Variants in CSMD1 observed in about 807,000 individuals in gnomAD.
The protein encoded by CSMD1 is CUB and sushi domain-containing protein 1.
In CSMD1, 213 loss-of-function variants were observed where a neutral mutation model predicts 417.5. The ratio of observed to expected loss-of-function variants is 0.51; its 90% CI spans 0.46 to 0.57. CSMD1 has a LOEUF of 0.57. Among genes scored for constraint, CSMD1 ranks in the 20% least tolerant of loss-of-function variants. The probability of loss-of-function intolerance (pLI) is 0.00; values close to 1 mark genes in which losing one functional copy is unlikely to be tolerated. For missense variants in CSMD1, 6,923 were observed against 4,529.7 expected (o/e 1.53, Z -15.17); for synonymous variants, 2,862 against 1,736.8 (o/e 1.65, Z -16.11).
At chr8:4,340,299 A>T (rs533723636) in intron 3 of CSMD1, among the ~76,000 whole-genome samples, 1 of 152,028 alleles carries the variant, frequency 6.6e-6, no homozygotes, top group Non-Finnish European at 1.5e-5. Context: ...CTGTGTTTGC[A>T]AGGCATCTCC....
At chr8:3,456,792 T>C (rs1220001772) in intron 12 of CSMD1, among the ~76,000 whole-genome samples, 3 of 152,100 alleles carry the variant, frequency 2.0e-5, no homozygotes, top group South Asian at 2.1e-4. Flanking sequence ...TTGCCCATTA[T>C]AGATGAGGCT....
intron 5 of CSMD1, among the ~76,000 whole-genome samples, chr8:3,933,470 C>T (rs775765748): frequency 6.6e-6 from 1 of 152,146 alleles, no homozygotes; most frequent in Non-Finnish European, 1.5e-5. Context: ...CACTCCCACC[C>T]ACTCAACCCC....
chr8:4,056,832 A>G (rs977813454), intron 3 of CSMD1, among the ~76,000 whole-genome samples: 2 of 152,094 alleles, frequency 1.3e-5, no homozygotes, highest in Non-Finnish European at 2.9e-5. Flanking sequence ...GATGATTTCC[A>G]ATTTCATCCA....
At chr8:4,791,239 T>A (rs1797672102) in intron 1 of CSMD1, among the ~76,000 whole-genome samples, 1 of 152,078 alleles carries the variant, frequency 6.6e-6, no homozygotes, top group Non-Finnish European at 1.5e-5. Flanking sequence ...GGAACGTGCC[T>A]GGGGTTGCAG....
chr8:4,371,867 C>T (rs528061319), intron 3 of CSMD1, among the ~76,000 whole-genome samples: 22 of 152,220 alleles, frequency 1.4e-4, no homozygotes, highest in East Asian at 3.9e-4. Context: ...TAAATATTTA[C>T]GATTGTGGAC....
chr8:3,032,268 C>A (rs1261550451), intron 50 of CSMD1, among the ~76,000 whole-genome samples: 5 of 151,752 alleles, frequency 3.3e-5, no homozygotes, highest in Non-Finnish European at 5.9e-5. Flanking sequence ...ACAAAAAAAA[C>A]TGAGTTTGAA....
intron 10 of CSMD1, among the ~76,000 whole-genome samples, chr8:3,540,048 C>T (rs754711160): frequency 1.4e-4 from 22 of 152,100 alleles, no homozygotes; most frequent in Admixed American, 5.9e-4. Context: ...CTGTGTGCAC[C>T]ACACTGCAAT....
At chr8:4,710,174 G>C (rs1046017835) in intron 1 of CSMD1, among the ~76,000 whole-genome samples, 3 of 151,860 alleles carry the variant, frequency 2.0e-5, no homozygotes, top group African/African-American at 7.3e-5. Flanking sequence ...GCTTTCCTCT[G>C]CCCAGTACCA....
At chr8:4,702,245 C>A (rs894990775) in intron 1 of CSMD1, among the ~76,000 whole-genome samples, 2 of 152,050 alleles carry the variant, frequency 1.3e-5, no homozygotes, top group Non-Finnish European at 2.9e-5. Flanking sequence ...TGCATGTACC[C>A]AATAACTTAA....
chr8:3,769,598 T>C (rs1486965450), intron 5 of CSMD1, among the ~76,000 whole-genome samples: 1 of 152,068 alleles, frequency 6.6e-6, no homozygotes, highest in Non-Finnish European at 1.5e-5. Context: ...GATATAAAAG[T>C]GAAGTATCTA....
At chr8:4,534,834 C>G (rs1288042751) in intron 2 of CSMD1, among the ~76,000 whole-genome samples, 1 of 152,112 alleles carries the variant, frequency 6.6e-6, no homozygotes, top group East Asian at 1.9e-4. Context: ...GTGATCTCAG[C>G]TCGATGCAAG....
chr8:4,007,246 A>G (rs1019236618), intron 4 of CSMD1, among the ~76,000 whole-genome samples: 11 of 152,200 alleles, frequency 7.2e-5, no homozygotes, highest in African/African-American at 2.2e-4. Context: ...ATCACCACTC[A>G]TAATAAAACC....
At chr8:4,891,413 T>G (rs1804114653) in intron 1 of CSMD1, among the ~76,000 whole-genome samples, 1 of 152,168 alleles carries the variant, frequency 6.6e-6, no homozygotes, top group South Asian at 2.1e-4. Context: ...CATTGAGCTT[T>G]CATTCCTCTG....
intron 23 of CSMD1, among the ~76,000 whole-genome samples, chr8:3,317,856 G>A (rs1012281173): frequency 6.6e-5 from 10 of 152,324 alleles, no homozygotes; most frequent in African/African-American, 2.2e-4. Flanking sequence ...TGTGACCCAG[G>A]CTGGAGTGCA....
intron 3 of CSMD1, among the ~76,000 whole-genome samples, chr8:4,332,375 C>T (rs181402938): frequency 2.0e-5 from 3 of 152,188 alleles, no homozygotes; most frequent in South Asian, 4.1e-4. Context: ...CTCAAATTAA[C>T]GATTCCTACC....
intron 3 of CSMD1, among the ~76,000 whole-genome samples, chr8:4,246,349 G>C (rs936046528): frequency 2.0e-5 from 3 of 152,264 alleles, no homozygotes; most frequent in East Asian, 1.9e-4. Flanking sequence ...CAAAGGACAC[G>C]GTCAGTCCTT....
intron 3 of CSMD1, among the ~76,000 whole-genome samples, chr8:4,284,873 TA>T (rs1351816358): frequency 6.6e-6 from 1 of 152,144 alleles, no homozygotes; most frequent in Non-Finnish European, 1.5e-5. Context: ...AAAACTAGTT[TA>T]AAAAACACTT....
chr8:4,191,383 A>C (rs980917971), intron 3 of CSMD1, among the ~76,000 whole-genome samples: 4 of 152,106 alleles, frequency 2.6e-5, no homozygotes, highest in African/African-American at 9.7e-5. Context: ...GCAACAGAGC[A>C]AGACTCTGTC....
At chr8:4,185,706 G>A (rs1205424634) in intron 3 of CSMD1, among the ~76,000 whole-genome samples, 1 of 152,182 alleles carries the variant, frequency 6.6e-6, no homozygotes, top group Non-Finnish European at 1.5e-5. Flanking sequence ...GACATGTACT[G>A]AAATATGTTC....
Sources: gnomAD v4.1 joint callset for allele counts (sites outside exome capture counted in the v4.1 genomes callset) on GRCh38, gnomAD v4.1.1 for gene constraint, MANE v1.5 for transcripts, NCBI Gene and HGNC (gene_info 2026-07-23, HGNC 2026-07-21) for gene names.